Variants in PIGL observed in about 807,000 individuals in gnomAD.
PIGL encodes N-acetylglucosaminyl-phosphatidylinositol de-N-acetylase.
A neutral mutation model predicts 31.1 loss-of-function variants in PIGL; 22 were observed. The ratio of observed to expected loss-of-function variants is 0.71; its 90% CI spans 0.51 to 1.01. PIGL has a LOEUF of 1.01. Ranked by LOEUF, PIGL falls within the 50% of genes least tolerant of loss-of-function variation. PIGL has a pLI of 0.00. For missense variants in PIGL, 302 were observed against 315.9 expected, an observed-to-expected ratio of 0.96 and a Z score of 0.33; for synonymous variants, 131 against 117.4, an observed-to-expected ratio of 1.12 and a Z score of -0.75.
chr17:16,311,323 T>C (rs1028314898), intron 3 of PIGL, among the ~76,000 whole-genome samples: 12 of 150,620 alleles, frequency 8.0e-5, no homozygotes, highest in African/African-American at 2.9e-4. Flanking sequence ...ATTATTATCA[T>C]TTATCTCAGA....
chr17:16,304,036 C>T (rs1425973224), intron 3 of PIGL, among the ~76,000 whole-genome samples: 1 of 152,180 alleles, frequency 6.6e-6, no homozygotes, highest in African/African-American at 2.4e-5. Context: ...TCTTGTGACA[C>T]ACTTGCTATT....
intron 2 of PIGL, among the ~76,000 whole-genome samples, chr17:16,268,383 A>C (rs921243356): frequency 2.6e-5 from 4 of 152,184 alleles, no homozygotes; most frequent in Non-Finnish European, 5.9e-5. Context: ...CTTTTAAGTG[A>C]AACATTACTA....
At chr17:16,317,432 G>A in intron 5 of PIGL, 2 of 1,030,734 alleles carry the variant, frequency 1.9e-6, no homozygotes, top group Non-Finnish European at 2.3e-6. Context: ...TTGACTGACA[G>A]AGCTGGAACC....
In PIGL at chr17:16,313,558, C is replaced by A. The variant is rs773591135; in HGVS notation, c.438C>A (p.Phe146Leu). 9 of 1,613,356 alleles carry A rather than the reference C, an allele frequency of 5.6e-6. No homozygotes were observed. Among genetic ancestry groups the A allele is most frequent in the Middle Eastern group, 1.6e-4 (1 of 6,076 alleles). Residue 146 changes from phenylalanine (F) to leucine (L), a missense_variant, in exon 4 of 7, where the codon TTC becomes TTA. Phe to Leu is a conservative substitution (Grantham distance 22, BLOSUM62 0). Transcript: ENST00000225609. The stretch of plus-strand genomic sequence containing the variant: ...GTGTTTCTCTACAGGTGGTGACTTT[C>A]GATGCAGGGGGAGTAAGTGGCCACA... ...EVNGINLVVTFDAGGVSGHSN... is the reference protein window; with the variant it reads ...EVNGINLVVTLDAGGVSGHSN...
chr17:16,266,236 G>A (rs889570311), intron 2 of PIGL, among the ~76,000 whole-genome samples: 2 of 151,654 alleles, frequency 1.3e-5, no homozygotes, highest in Non-Finnish European at 2.9e-5. Context: ...CCAACATGGT[G>A]AAAACCCATC....
intron 2 of PIGL, among the ~76,000 whole-genome samples, chr17:16,273,839 A>T (rs571992031): frequency 6.6e-6 from 1 of 152,212 alleles, no homozygotes; most frequent in African/African-American, 2.4e-5. Flanking sequence ...AAGGGGGGAA[A>T]CATTTCTTTG....
intron 2 of PIGL, among the ~76,000 whole-genome samples, chr17:16,297,742 T>C (rs1205093535): frequency 6.6e-6 from 1 of 152,200 alleles, no homozygotes; most frequent in Non-Finnish European, 1.5e-5. Flanking sequence ...CTGTCTGTCC[T>C]GCTCACTGCA....
chr17:16,315,987 C>T (rs997802618), intron 4 of PIGL, among the ~76,000 whole-genome samples: 2 of 152,090 alleles, frequency 1.3e-5, no homozygotes, highest in East Asian at 1.9e-4. Flanking sequence ...TGAGCCACCG[C>T]GCCCGGCTCC....
At chr17:16,298,809 C>T (rs569625765) in intron 2 of PIGL, among the ~76,000 whole-genome samples, 1 of 152,204 alleles carries the variant, frequency 6.6e-6, no homozygotes, top group South Asian at 2.1e-4. Flanking sequence ...GGGCAGATCA[C>T]CTGAGGTCAG....
At chr17:16,239,003 G>C (rs62072527) in intron 2 of PIGL, among the ~76,000 whole-genome samples, 1 of 146,576 alleles carries the variant, frequency 6.8e-6, no homozygotes, top group African/African-American at 2.5e-5. Flanking sequence ...TTGGCCTCCC[G>C]AAGTGCTGGG....
At chr17:16,312,914 A>AGGGCGGGGG (rs1568842413) in intron 3 of PIGL, 1 of 109,916 alleles carries the variant, frequency 9.1e-6, no homozygotes, top group African/African-American at 4.5e-5. Flanking sequence ...GACCTTGGAA[A>AGGGCGGGGG]GAGGGGAGGG....
At chr17:16,324,770 A>G (rs1019192892) in intron 6 of PIGL, among the ~76,000 whole-genome samples, 3 of 152,224 alleles carry the variant, frequency 2.0e-5, no homozygotes, top group Non-Finnish European at 4.4e-5. Context: ...AAACAGGCAC[A>G]TCCTTTTATG....
At chr17:16,294,920 G>T (rs1331511173) in intron 2 of PIGL, among the ~76,000 whole-genome samples, 1 of 152,118 alleles carries the variant, frequency 6.6e-6, no homozygotes, top group Admixed American at 6.6e-5. Context: ...AGGTGGTGGT[G>T]CCCTTCTGCT....
chr17:16,304,892 G>A (rs992511370), intron 3 of PIGL, among the ~76,000 whole-genome samples: 4 of 152,174 alleles, frequency 2.6e-5, no homozygotes, highest in Admixed American at 6.5e-5. Context: ...TGGATAATTT[G>A]TTGTGGGGGT....
At chr17:16,282,110 G>A in intron 2 of PIGL, 1 of 493,766 alleles carries the variant, frequency 2.0e-6, no homozygotes, top group Non-Finnish European at 4.3e-6. Context: ...TCACCCTACA[G>A]AAGCTATCTG....
At chr17:16,264,384 G>A (rs1251079779) in intron 2 of PIGL, among the ~76,000 whole-genome samples, 1 of 151,868 alleles carries the variant, frequency 6.6e-6, no homozygotes, top group African/African-American at 2.4e-5. Context: ...GACCTCAGGT[G>A]ATCCACCCAC....
At chr17:16,316,838 CCA>C (rs1568845268) in intron 5 of PIGL, 126 bp downstream of exon 5, 1 of 1,507,460 alleles carries the variant, frequency 6.6e-7, no homozygotes, top group South Asian at 1.2e-5. Context: ...GGGGAGGCCG[CCA>C]CACTCTTCCT....
intron 2 of PIGL, among the ~76,000 whole-genome samples, chr17:16,236,095 T>C (rs996205209): frequency 3.3e-5 from 5 of 152,214 alleles, no homozygotes; most frequent in Admixed American, 3.3e-4. Flanking sequence ...TAATTAAGGC[T>C]ACTTAGTTAC....
chr17:16,316,969 G>C, intron 5 of PIGL: 1 of 1,276,574 alleles, frequency 7.8e-7, no homozygotes, highest in Non-Finnish European at 1.0e-6. Flanking sequence ...TTTTCACAGG[G>C]TGGATGTTTT....
Sources: allele counts gnomAD v4.1 joint callset (sites outside exome capture counted in the v4.1 genomes callset), GRCh38; gene constraint gnomAD v4.1.1; transcripts MANE v1.5; gene names NCBI Gene and HGNC (gene_info 2026-07-23, HGNC 2026-07-21).